Variants in MCC observed in about 807,000 individuals in gnomAD.
MCC encodes the protein MCC regulator of Wnt signaling pathway, also known as colorectal mutant cancer protein.
Under a neutral mutation model 116.2 loss-of-function variants are expected in MCC, and 90 were observed. The ratio of observed to expected loss-of-function variants is 0.77; its 90% CI spans 0.65 to 0.92. MCC has a LOEUF of 0.92. Ranked by LOEUF, MCC falls within the 40% of genes least tolerant of loss-of-function variation. The probability of loss-of-function intolerance (pLI) is 0.00; values close to 1 mark genes in which losing one functional copy is unlikely to be tolerated. For missense variants in MCC, 1,516 were observed against 1,312.2 expected (o/e 1.16, Z -2.40); for synonymous variants, 578 against 510.5 (o/e 1.13, Z -1.78).
chr5:113,275,996 G>GTTTTTT, intron 3 of MCC, among the ~76,000 whole-genome samples: 1 of 144,966 alleles, frequency 6.9e-6, no homozygotes. Context: ...TTTTAAGCAG[G>GTTTTTT]CCAACCCCAA....
intron 1 of MCC, among the ~76,000 whole-genome samples, chr5:113,440,313 T>C (rs947862919): frequency 2.8e-5 from 4 of 142,762 alleles, no homozygotes; most frequent in African/African-American, 1.2e-4. Context: ...TCTGAGGCTC[T>C]TTATCATCTG....
At chr5:113,189,600 C>T (rs1561441725) in intron 3 of MCC, among the ~76,000 whole-genome samples, 1 of 152,156 alleles carries the variant, frequency 6.6e-6, no homozygotes, top group Non-Finnish European at 1.5e-5. Context: ...CTATCTTACC[C>T]CTTTATAGTC....
intron 3 of MCC, among the ~76,000 whole-genome samples, chr5:113,180,373 T>C (rs1396434289): frequency 6.6e-6 from 1 of 152,164 alleles, no homozygotes; most frequent in African/African-American, 2.4e-5. Flanking sequence ...ATGACTCAGA[T>C]TTATGGAATA....
chr5:113,111,297 GT>G (rs745919869), intron 6 of MCC, among the ~76,000 whole-genome samples: 36 of 152,262 alleles, frequency 2.4e-4, no homozygotes, highest in Admixed American at 4.6e-4. Flanking sequence ...TGGCTGTGTG[GT>G]TTATCTTTGG....
intron 1 of MCC, among the ~76,000 whole-genome samples, chr5:113,438,096 G>A (rs751333603): frequency 4.6e-5 from 7 of 152,216 alleles, no homozygotes; most frequent in South Asian, 4.1e-4. Context: ...CAAAATGCAT[G>A]AGAGGAGAGC....
intron 3 of MCC, among the ~76,000 whole-genome samples, chr5:113,151,915 A>G (rs1759899418): frequency 6.6e-6 from 1 of 151,678 alleles, no homozygotes; most frequent in African/African-American, 2.4e-5. Flanking sequence ...AGGGGAAAAA[A>G]GCAGCAGAGC....
intron 3 of MCC, among the ~76,000 whole-genome samples, chr5:113,229,652 C>G (rs1763869877): frequency 6.6e-6 from 1 of 152,172 alleles, no homozygotes; most frequent in Non-Finnish European, 1.5e-5. Context: ...ACATTTTAGT[C>G]AAAGACAGGC....
At chr5:113,113,238 G>A (rs1202034369) in intron 6 of MCC, among the ~76,000 whole-genome samples, 3 of 152,238 alleles carry the variant, frequency 2.0e-5, no homozygotes, top group South Asian at 4.1e-4. Flanking sequence ...TCCCAGGGAT[G>A]TAATAGTTCA....
At chr5:113,049,723 C>A (rs1184623810) in intron 15 of MCC, among the ~76,000 whole-genome samples, 1 of 152,182 alleles carries the variant, frequency 6.6e-6, no homozygotes, top group Non-Finnish European at 1.5e-5. Context: ...TGGCCAAGCC[C>A]CTTCCAATTC....
At chr5:113,207,786 C>A (rs1358246296) in intron 3 of MCC, among the ~76,000 whole-genome samples, 1 of 152,166 alleles carries the variant, frequency 6.6e-6, no homozygotes, top group Non-Finnish European at 1.5e-5. Flanking sequence ...GAGGTAACAG[C>A]TTAAGAGAAA....
Position 113,229,773 on chromosome 5 carries a change from C to G in MCC, c.628-78351G>C, listed in dbSNP as rs1309368739. On this transcript the variant is annotated intron_variant, in intron 3 of 18. Transcript: ENST00000408903. ...ATACTTACCACTGTGCTACTATTGG[C>G]TACAGTACTCAGTACTCAGTACAGT... is the stretch of plus-strand genomic sequence containing the variant. Among the ~76,000 whole-genome samples, 8 of 152,274 alleles carry G rather than the reference C, an allele frequency of 5.3e-5. No homozygotes were observed. In the South Asian group the frequency reaches 1.7e-3, roughly 32 times the overall value.
chr5:113,264,288 G>A (rs182030047), intron 3 of MCC, among the ~76,000 whole-genome samples: 43 of 152,164 alleles, frequency 2.8e-4, no homozygotes, highest in Non-Finnish European at 5.9e-4. Flanking sequence ...ATACGAAAAC[G>A]GCATCTGCCT....
intron 17 of MCC, among the ~76,000 whole-genome samples, chr5:113,043,228 C>G (rs1040953924): frequency 2.0e-5 from 3 of 152,218 alleles, no homozygotes; most frequent in Non-Finnish European, 2.9e-5. Context: ...TTTCACCTCA[C>G]TAGTTAACAC....
chr5:113,226,215 C>T (rs1000463451), intron 3 of MCC, among the ~76,000 whole-genome samples: 1 of 152,150 alleles, frequency 6.6e-6, no homozygotes, highest in Non-Finnish European at 1.5e-5. Context: ...AAAGCTAACA[C>T]AAGAAACCTT....
At chr5:113,225,938 C>G (rs184877803) in intron 3 of MCC, among the ~76,000 whole-genome samples, 1 of 152,336 alleles carries the variant, frequency 6.6e-6, no homozygotes, top group Non-Finnish European at 1.5e-5. Flanking sequence ...TTTGGAAGGC[C>G]AAGGCAGGCG....
intron 3 of MCC, among the ~76,000 whole-genome samples, chr5:113,163,862 T>G (rs1339837413): frequency 6.6e-6 from 1 of 152,178 alleles, no homozygotes; most frequent in Non-Finnish European, 1.5e-5. Flanking sequence ...AGCCAAAATA[T>G]CTAACTAGAA....
intron 2 of MCC, among the ~76,000 whole-genome samples, chr5:113,355,084 A>C (rs1300790748): frequency 1.3e-5 from 2 of 152,162 alleles, no homozygotes; most frequent in Non-Finnish European, 2.9e-5. Context: ...TGGCATAAGA[A>C]AAAAATCCTA....
intron 1 of MCC, 78 bp from the exon 2 acceptor site, chr5:113,385,290 A>G: frequency 1.4e-6 from 2 of 1,418,224 alleles, no homozygotes; most frequent in South Asian, 1.3e-5. Context: ...GAAAAAAAAA[A>G]GGTATTTCTT....
At chr5:113,341,426 C>T (rs1272403417) in intron 2 of MCC, among the ~76,000 whole-genome samples, 1 of 152,072 alleles carries the variant, frequency 6.6e-6, no homozygotes, top group Non-Finnish European at 1.5e-5. Context: ...TTCAAGAAAT[C>T]CTCCTGCCTT....
Sources: gnomAD v4.1 joint callset for allele counts (sites outside exome capture counted in the v4.1 genomes callset) on GRCh38, gnomAD v4.1.1 for gene constraint, MANE v1.5 for transcripts, NCBI Gene and HGNC (gene_info 2026-07-23, HGNC 2026-07-21) for gene names.